Variants in PAX5 observed in about 807,000 individuals in gnomAD.
PAX5 encodes the protein paired box protein Pax-5.
Under a neutral mutation model 43.7 loss-of-function variants are expected in PAX5, and 9 were observed. The observed-to-expected ratio is 0.21, with a 90% CI of 0.12 to 0.36. The LOEUF (loss-of-function observed/expected upper bound fraction) is 0.36, where lower values mean the gene tolerates loss of function less well. Ranked by LOEUF, PAX5 falls within the 10% of genes least tolerant of loss-of-function variation. PAX5 has a pLI of 1.00. For synonymous variants in PAX5, 228 were observed against 214.3 expected, an observed-to-expected ratio of 1.06 and a Z score of -0.56; for missense variants, 383 against 532.7, an observed-to-expected ratio of 0.72 and a Z score of 2.77.
intron 5 of PAX5, among the ~76,000 whole-genome samples, chr9:36,981,215 C>G (rs971773460): frequency 1.4e-5 from 2 of 146,948 alleles, no homozygotes; most frequent in Admixed American, 1.4e-4. Flanking sequence ...GCTTCATTCC[C>G]TGTCTCCTCA....
Position 37,015,944 on chromosome 9 carries a change from T to C in PAX5, c.213-750A>G, listed in dbSNP as rs1839353556. 6.6e-6 allele frequency among the ~76,000 whole-genome samples: 1 copy of C among 152,252 alleles called. No individual in the cohort carries two copies. Among genetic ancestry groups the C allele is most frequent in the African/African-American group, 2.4e-5 (1 of 41,462 alleles). On this transcript the variant is annotated intron_variant, in intron 2 of 9. Transcript: ENST00000358127. This position sits in a 1 kb window ranked among gnomAD's most constrained non-coding sequence, Gnocchi z 4.4. ...CATTAACAAAATTCTTTCACATTCA[T>C]CTACCATTTTATAGTTTACAGAAAA... is the stretch of plus-strand genomic sequence containing the variant.
chr9:36,888,633 G>A (rs1168665352), intron 7 of PAX5, among the ~76,000 whole-genome samples: 1 of 152,196 alleles, frequency 6.6e-6, no homozygotes, highest in Non-Finnish European at 1.5e-5. Context: ...ATGCTCAACA[G>A]GCAAAGACAT....
chr9:36,967,394 G>A (rs1233436082), intron 5 of PAX5, among the ~76,000 whole-genome samples: 1 of 152,196 alleles, frequency 6.6e-6, no homozygotes, highest in Non-Finnish European at 1.5e-5. Flanking sequence ...GAGAAGTGAT[G>A]TATGTACAAG....
At chr9:36,937,230 A>G (rs1275877122) in intron 6 of PAX5, among the ~76,000 whole-genome samples, 1 of 152,206 alleles carries the variant, frequency 6.6e-6, no homozygotes, top group Non-Finnish European at 1.5e-5. Flanking sequence ...CTAATAATTC[A>G]TTTAATCCTT....
rs1841290787 is a variant in PAX5, at chr9:37,034,088, CTTTTTTTTTCTT to C, written c.-69_-58del. ...GGGAAAAGTTTCCACTTTTTTGTGCCTTTTTTTTTCTTTTTTTTTTTTTTTTTTTTTTTTTTT... is the reference window on the plus strand; with the variant it reads ...GGGAAAAGTTTCCACTTTTTTGTGCCTTTTTTTTTTTTTTTTTTTTTTTTT... On this transcript the variant is annotated 5_prime_UTR_variant, in exon 1 of 10. Coordinates refer to ENST00000358127, the MANE Select transcript of PAX5 (RefSeq NM_016734.3). 2.5e-5 allele frequency: 11 copies of C among 448,736 alleles called. No individual in the cohort carries two copies. The South Asian group carries it at 3.8e-4, about 15-fold the overall frequency. 27.8% of individuals were successfully genotyped at this position (448,736 alleles called of 1,614,324 possible). A position where few individuals can be genotyped will look rare whatever the true frequency, so the allele number is the denominator to read the frequency against.
intron 6 of PAX5, among the ~76,000 whole-genome samples, chr9:36,945,236 G>A (rs1411057): frequency 0.76 from 114,652 of 151,120 alleles, 43,595 homozygotes; most frequent in East Asian, 0.8. Context: ...TTTTTTTTTA[G>A]TTTTTTGTTT....
chr9:36,971,143 C>T (rs1394890492), intron 5 of PAX5, among the ~76,000 whole-genome samples: 1 of 152,172 alleles, frequency 6.6e-6, no homozygotes, highest in Non-Finnish European at 1.5e-5. Flanking sequence ...AGCCATTGTC[C>T]TCATGGAGTT....
intron 5 of PAX5, among the ~76,000 whole-genome samples, chr9:36,980,792 T>TGA (rs1412507443): frequency 6.6e-6 from 1 of 151,772 alleles, no homozygotes; most frequent in Non-Finnish European, 1.5e-5. Context: ...TATGCTGGAG[T>TGA]GAGTGACTCA....
At chr9:37,003,305 C>G (rs139912712) in intron 4 of PAX5, among the ~76,000 whole-genome samples, 4 of 152,168 alleles carry the variant, frequency 2.6e-5, no homozygotes, top group African/African-American at 7.2e-5. Context: ...GCAGAGTGCC[C>G]CTTCTTTTTA....
At chr9:36,891,478 C>A (rs1377085207) in intron 7 of PAX5, among the ~76,000 whole-genome samples, 1 of 152,218 alleles carries the variant, frequency 6.6e-6, no homozygotes, top group Non-Finnish European at 1.5e-5. Flanking sequence ...GCAGTTTGAA[C>A]AGGGTTGCTC....
At chr9:36,867,913 C>T (rs1825056738) in intron 8 of PAX5, among the ~76,000 whole-genome samples, 2 of 152,122 alleles carry the variant, frequency 1.3e-5, no homozygotes, top group South Asian at 4.1e-4. Flanking sequence ...CTGGGCTTCG[C>T]GGGTCCCATT....
At chr9:37,033,659 A>G (rs2132589667) in intron 1 of PAX5, among the ~76,000 whole-genome samples, 1 of 152,160 alleles carries the variant, frequency 6.6e-6, no homozygotes, top group African/African-American at 2.4e-5. Context: ...AAACTCATAT[A>G]TTTTTACATC....
chr9:36,910,972 G>A (rs1463962351), intron 7 of PAX5, among the ~76,000 whole-genome samples: 2 of 152,118 alleles, frequency 1.3e-5, no homozygotes, highest in African/African-American at 4.8e-5. Flanking sequence ...ACATTTAAAA[G>A]GCTGAAGCTG....
At chr9:37,030,326 C>T (rs965296558) in intron 1 of PAX5, among the ~76,000 whole-genome samples, 1 of 152,216 alleles carries the variant, frequency 6.6e-6, no homozygotes, top group African/African-American at 2.4e-5. Context: ...GACCACCTAG[C>T]CCAGCCTTAC....
At chr9:36,890,255 G>GA (rs1228222370) in intron 7 of PAX5, among the ~76,000 whole-genome samples, 1 of 151,874 alleles carries the variant, frequency 6.6e-6, no homozygotes, top group African/African-American at 2.4e-5. Context: ...TAATTATTGT[G>GA]AACAAGATGA....
At chr9:36,966,384 A>G (rs1161735261) in intron 6 of PAX5, among the ~76,000 whole-genome samples, 165 bp downstream of exon 6, 9 of 152,254 alleles carry the variant, frequency 5.9e-5, no homozygotes, top group Admixed American at 3.9e-4. Context: ...CCGACCTTAT[A>G]GGATGTAGCG....
At chr9:36,913,428 C>T (rs1236946487) in intron 7 of PAX5, among the ~76,000 whole-genome samples, 1 of 152,242 alleles carries the variant, frequency 6.6e-6, no homozygotes, top group Non-Finnish European at 1.5e-5. Flanking sequence ...CAGCTAAGTC[C>T]TTCACCAGTA....
chr9:36,990,648 G>A (rs1836852720), intron 5 of PAX5, among the ~76,000 whole-genome samples: 1 of 152,250 alleles, frequency 6.6e-6, no homozygotes, highest in African/African-American at 2.4e-5. Context: ...TAAGGCAGTA[G>A]CAATGGGGAT....
rs564867944 is a variant in PAX5, at chr9:36,834,772, A to G, written c.*5788T>C. 30 of 229,380 alleles carry G rather than the reference A, an allele frequency of 1.3e-4. No homozygotes were observed. In the Admixed American group the frequency reaches 1.7e-3, roughly 13 times the overall value. 14.2% of individuals were successfully genotyped at this position (229,380 alleles called of 1,614,324 possible). A position where few individuals can be genotyped will look rare whatever the true frequency, so the allele number is the denominator to read the frequency against. ...GTTCTTAATGATGCTTTTGGAGAAG[A>G]TGAGGGACGTGGCCACAGGCATGGT... On this transcript the variant is annotated 3_prime_UTR_variant, in exon 10 of 10. Transcript: ENST00000358127.
Sources: allele counts gnomAD v4.1 joint callset (sites outside exome capture counted in the v4.1 genomes callset), GRCh38; gene constraint gnomAD v4.1.1; non-coding constraint Gnocchi (gnomAD v3.1); transcripts MANE v1.5; gene names NCBI Gene and HGNC (gene_info 2026-07-23, HGNC 2026-07-21).